DENND11: variants seen among roughly 807,000 people sequenced by gnomAD.
DENND11 encodes DENN domain containing 11.
A neutral mutation model predicts 49.2 loss-of-function variants in DENND11; 34 were observed. The ratio of observed to expected loss-of-function variants is 0.69; its 90% CI spans 0.53 to 0.92. The LOEUF is 0.92. Ranked by LOEUF, DENND11 falls within the 40% of genes least tolerant of loss-of-function variation. DENND11 has a pLI of 0.00. For synonymous variants in DENND11, 238 were observed against 230.3 expected, an observed-to-expected ratio of 1.03 and a Z score of -0.30; for missense variants, 475 against 581.6, an observed-to-expected ratio of 0.82 and a Z score of 1.88.
rs567522424 is a variant in DENND11 at position 141,661,979 on chromosome 7, A to G, written c.*677T>C. 6.6e-6 allele frequency: 1 copy of G among 152,356 alleles called. No individual in the cohort carries two copies. Among genetic ancestry groups the G allele is most frequent in the East Asian group, 1.9e-4 (1 of 5,182 alleles). The allele number at this position is 152,356 out of a possible 1,614,324, so 9.4% of individuals were successfully genotyped here. A position where few individuals can be genotyped will look rare whatever the true frequency, so the allele number is the denominator to read the frequency against. ...AGGAACATTACATTGCATGGCCACC[A>G]TCAAGTTACTTTGAGGAAGGTTTCC... is the stretch of plus-strand genomic sequence containing the variant. On this transcript the variant is annotated 3_prime_UTR_variant, in exon 9 of 9. Coordinates refer to ENST00000536163, the MANE Select transcript of DENND11 (RefSeq NM_001080392.2).
rs1455217667 is a variant in DENND11 at position 141,661,267 on chromosome 7, C to G, written c.*1389G>C. The stretch of plus-strand genomic sequence containing the variant: ...ATTTGTCACCAACAACCCAGTATCC[C>G]AAGTCAAAATTCTCAACTATGGCCA... On this transcript the variant is annotated 3_prime_UTR_variant, in exon 9 of 9. Coordinates refer to ENST00000536163, the MANE Select transcript of DENND11 (RefSeq NM_001080392.2). 1 of 152,180 alleles carries G rather than the reference C, an allele frequency of 6.6e-6. No individual in the cohort carries two copies. The highest frequency in any genetic ancestry group is 1.5e-5 in the Non-Finnish European group (1 of 68,040). The allele number at this position is 152,180 out of a possible 1,614,324, so 9.4% of individuals were successfully genotyped here.
rs915689647 is a variant in DENND11 at position 141,702,028 on chromosome 7, C to A, written c.126G>T (p.Pro42=). 1 of 1,041,752 alleles carries A rather than the reference C, an allele frequency of 9.6e-7. No homozygotes were observed. Among genetic ancestry groups the A allele is most frequent in the African/African-American group, 1.7e-5 (1 of 58,128 alleles). The allele number at this position is 1,041,752 out of a possible 1,614,324, so 64.5% of individuals were successfully genotyped here. The change falls in exon 1 of 9, where the codon CCG becomes CCT. Residue 42 remains proline (P), a synonymous_variant. Coordinates refer to ENST00000536163, the MANE Select transcript of DENND11 (RefSeq NM_001080392.2). ...CCCGCCTCCGGGGCGGCTCCGCGGCCGGCCGGGCGCCCCCGCCGCCGCCCC... is the reference window on the plus strand; with the variant it reads ...CCCGCCTCCGGGGCGGCTCCGCGGCAGGCCGGGCGCCCCCGCCGCCGCCCC... ...WGRGGGGGAR[P]AAEPPRRREP... is the part of the protein sequence containing the mutation.
At chr7:141,670,880 ACTACACC>A (rs751257105) in intron 4 of DENND11, among the ~76,000 whole-genome samples, 1 of 152,214 alleles carries the variant, frequency 6.6e-6, no homozygotes, top group Non-Finnish European at 1.5e-5. Context: ...ATATGCACAT[ACTACACC>A]CTACTACATG....
intron 4 of DENND11, among the ~76,000 whole-genome samples, chr7:141,670,268 G>A (rs1182687032): frequency 2.0e-5 from 3 of 151,922 alleles, no homozygotes; most frequent in African/African-American, 7.3e-5. Flanking sequence ...CCATGTTTAT[G>A]TCTGGGTGTG....
intron 1 of DENND11, among the ~76,000 whole-genome samples, chr7:141,696,799 G>A (rs973344856): frequency 1.3e-5 from 2 of 152,230 alleles, no homozygotes; most frequent in Non-Finnish European, 2.9e-5. Flanking sequence ...CCTCCAAAGA[G>A]TATTTGGTTC....
Position 141,664,911 on chromosome 7 carries a change from C to T in DENND11, c.1096G>A (p.Glu366Lys), listed in dbSNP as rs894649580. The change falls in exon 7 of 9, where the codon GAG (glutamate) becomes AAG (lysine). Residue 366 changes from glutamate to lysine, a missense_variant. Coordinates refer to ENST00000536163, the MANE Select transcript of DENND11 (RefSeq NM_001080392.2). ...CCCCTTAGCTGCCACTACCTCTGCTCGTTGAGCCGGCGGTACTTCTCCCTG... is the reference window on the plus strand; with the variant it reads ...CCCCTTAGCTGCCACTACCTCTGCTTGTTGAGCCGGCGGTACTTCTCCCTG... Reference protein sequence around the residue: ...ADREKYRRLNEQRQMLLYSQE... With the variant: ...ADREKYRRLNKQRQMLLYSQE... 1.6e-5 allele frequency: 26 copies of T among 1,611,396 alleles called. No homozygotes were observed. The highest frequency in any genetic ancestry group is 2.2e-5 in the East Asian group (1 of 44,808).
At position 141,666,323 on chromosome 7, in the gene DENND11, A is replaced by G; in HGVS notation, c.784T>C (p.Phe262Leu). Residue 262 changes from phenylalanine (F) to leucine (L), a missense_variant, in exon 5 of 9, where the codon TTT becomes CTT. Physicochemically the swap from Phe to Leu is conservative, Grantham distance 22 (BLOSUM62 0). Coordinates refer to ENST00000536163, the MANE Select transcript of DENND11 (RefSeq NM_001080392.2). ...ACCACGCCCACAGGTGGGGGAGAAA[A>G]TATCAAAATGCGCTTTCGAAGTAAG... ...FALLRKRILI[F>L]SPPPVGVVCY... 6.2e-7 allele frequency: 1 copy of G among 1,613,206 alleles called. No individual in the cohort carries two copies. The highest frequency in any genetic ancestry group is 8.5e-7 in the Non-Finnish European group (1 of 1,179,478).
intron 3 of DENND11, among the ~76,000 whole-genome samples, chr7:141,677,361 G>C (rs1476697069): frequency 6.8e-6 from 1 of 146,100 alleles, no homozygotes; most frequent in Non-Finnish European, 1.5e-5. Context: ...ATTGCATCCA[G>C]CCTGGGTGAC....
chr7:141,685,667 A>G, intron 2 of DENND11, 31 bp from the exon 3 acceptor site: 1 of 1,609,632 alleles, frequency 6.2e-7, no homozygotes, highest in Non-Finnish European at 8.5e-7. Context: ...AGTGTGGCTC[A>G]AGATCAGAGA....
Position 141,661,063 on chromosome 7 carries a change from T to C in DENND11, c.*1593A>G, listed in dbSNP as rs559152126. 6.6e-6 allele frequency: 1 copy of C among 152,346 alleles called. No individual in the cohort carries two copies. Among genetic ancestry groups the C allele is most frequent in the South Asian group, 2.1e-4 (1 of 4,818 alleles). The allele number at this position is 152,346 out of a possible 1,614,324, so 9.4% of individuals were successfully genotyped here. A position where few individuals can be genotyped will look rare whatever the true frequency, so the allele number is the denominator to read the frequency against. ...TGAAGGAGCTACAGTGAAAACACTT[T>C]TGAATAAAGCAGTGAACCCTAAGAA... On this transcript the variant is annotated 3_prime_UTR_variant, in exon 9 of 9. Coordinates refer to ENST00000536163, the MANE Select transcript of DENND11 (RefSeq NM_001080392.2).
At chr7:141,670,090 G>A (rs562255168) in intron 4 of DENND11, among the ~76,000 whole-genome samples, 31 of 150,954 alleles carry the variant, frequency 2.1e-4, no homozygotes, top group South Asian at 8.3e-4. Context: ...GATTACAGGC[G>A]TGAGCCACCG....
intron 1 of DENND11, among the ~76,000 whole-genome samples, chr7:141,700,973 A>G (rs527246955): frequency 3.9e-5 from 6 of 152,166 alleles, no homozygotes; most frequent in Admixed American, 3.9e-4. Flanking sequence ...AAGCCCTGAC[A>G]CCACGACTCC....
intron 8 of DENND11, 34 bp from the exon 9 acceptor site, chr7:141,662,885 C>CGGGGT: frequency 6.8e-7 from 1 of 1,466,754 alleles, no homozygotes; most frequent in African/African-American, 1.5e-5. Context: ...GGAAAGGAAG[C>CGGGGT]GGGGGGGAAT....
At chr7:141,667,527 G>A (rs905322469) in intron 4 of DENND11, among the ~76,000 whole-genome samples, 3 of 151,454 alleles carry the variant, frequency 2.0e-5, no homozygotes, top group African/African-American at 4.8e-5. Context: ...CTGTTGCTTT[G>A]AAAAACAGAA....
intron 1 of DENND11, 115 bp from the exon 2 acceptor site, chr7:141,686,773 G>C (rs963578413): frequency 5.7e-6 from 4 of 705,054 alleles, no homozygotes; most frequent in African/African-American, 3.5e-5. Context: ...CTCAGCCTCA[G>C]ACAGACCAGC....
At position 141,688,867 on chromosome 7, in the gene DENND11, C is replaced by T. The variant is rs754780552; in HGVS notation, c.269-2209G>A. On this transcript the variant is annotated intron_variant, in intron 1 of 8. Transcript: ENST00000536163. ...GCCCCTGCTTGGGCCTCTGTATACA[C>T]GCTCCTAACGCTTAACAGTGGCAGT... Among the ~76,000 whole-genome samples, 9 of 152,296 alleles carry T rather than the reference C, an allele frequency of 5.9e-5. No individual in the cohort carries two copies. The South Asian group carries it at 1.9e-3, about 32-fold the overall frequency.
chr7:141,665,098 A>G lies in DENND11; in HGVS notation c.953-44T>C, dbSNP rs773874688. The G allele has an allele frequency of 7.5e-6, 12 of 1,610,152 alleles. No individual in the cohort carries two copies. The Admixed American group carries it at 2.0e-4, about 27-fold the overall frequency. On this transcript the variant is annotated intron_variant, in intron 6 of 8. Transcript: ENST00000536163. ...GAGAGGTGGGAACCCACCCGACCCC[A>G]CTGGGAAACAAGGCGCCCAGGAGCC... is the stretch of plus-strand genomic sequence containing the variant.
At chr7:141,672,084 G>A (rs1328842063) in intron 4 of DENND11, among the ~76,000 whole-genome samples, 1 of 152,196 alleles carries the variant, frequency 6.6e-6, no homozygotes, top group Non-Finnish European at 1.5e-5. Flanking sequence ...CACACGTGGA[G>A]CCACACCTCC....
intron 3 of DENND11, among the ~76,000 whole-genome samples, chr7:141,679,131 C>T (rs1232011445): frequency 6.6e-6 from 1 of 152,158 alleles, no homozygotes; most frequent in Non-Finnish European, 1.5e-5. Flanking sequence ...CAAGTATTAT[C>T]CTAAGCTAGA....
Sources: gnomAD v4.1 joint callset for allele counts (sites outside exome capture counted in the v4.1 genomes callset) on GRCh38, gnomAD v4.1.1 for gene constraint, MANE v1.5 for transcripts, NCBI Gene and HGNC (gene_info 2026-07-23, HGNC 2026-07-21) for gene names.